ERC2: variants seen among roughly 807,000 people sequenced by gnomAD.
ERC2 encodes the protein ERC protein 2.
Under a neutral mutation model 114.8 loss-of-function variants are expected in ERC2, and 42 were observed. The observed-to-expected ratio is 0.37, with a 90% CI of 0.29 to 0.47. The LOEUF (loss-of-function observed/expected upper bound fraction) is 0.47, where lower values mean the gene tolerates loss of function less well. Ranked by LOEUF, ERC2 falls within the 20% of genes least tolerant of loss-of-function variation. The pLI is 0.99. For synonymous variants in ERC2, 454 were observed against 425.5 expected, an observed-to-expected ratio of 1.07 and a Z score of -0.82; for missense variants, 939 against 1,150.7, an observed-to-expected ratio of 0.82 and a Z score of 2.66.
chr3:56,321,963 A>G (rs755459012), intron 2 of ERC2, among the ~76,000 whole-genome samples: 1 of 152,362 alleles, frequency 6.6e-6, no homozygotes, highest in Non-Finnish European at 1.5e-5. Context: ...GTTAACAAGA[A>G]ATATACCAAA....
chr3:55,966,454 G>A (rs1311731744), intron 12 of ERC2, among the ~76,000 whole-genome samples: 1 of 152,148 alleles, frequency 6.6e-6, no homozygotes, highest in African/African-American at 2.4e-5. Flanking sequence ...AGGTGCCTAA[G>A]CATGTATGCC....
At chr3:55,550,841 C>T (rs570356216) in intron 17 of ERC2, among the ~76,000 whole-genome samples, 18 of 151,930 alleles carry the variant, frequency 1.2e-4, no homozygotes, top group Middle Eastern at 3.4e-3. Flanking sequence ...ACGGTGAAAC[C>T]CCATCTCTAC....
chr3:56,464,458 G>A (rs942290202), intron 1 of ERC2, among the ~76,000 whole-genome samples: 3 of 152,180 alleles, frequency 2.0e-5, no homozygotes, highest in Non-Finnish European at 2.9e-5. Context: ...GCCAAATCAC[G>A]GTCAACCTGA....
intron 14 of ERC2, among the ~76,000 whole-genome samples, chr3:55,810,398 G>A (rs2059668824): frequency 6.6e-6 from 1 of 151,396 alleles, no homozygotes; most frequent in Non-Finnish European, 1.5e-5. Context: ...TAAAATGAAT[G>A]CACACTCTAC....
intron 9 of ERC2, among the ~76,000 whole-genome samples, chr3:56,008,416 A>G (rs2072668032): frequency 6.6e-6 from 1 of 152,150 alleles, no homozygotes; most frequent in South Asian, 2.1e-4. Flanking sequence ...AGGCAGATAC[A>G]GGTCTCAAAC....
At chr3:56,144,839 G>A (rs1403090389) in intron 5 of ERC2, among the ~76,000 whole-genome samples, 1 of 151,972 alleles carries the variant, frequency 6.6e-6, no homozygotes, top group Non-Finnish European at 1.5e-5. Context: ...GGGGAACATA[G>A]TTACAGGGTA....
intron 13 of ERC2, among the ~76,000 whole-genome samples, chr3:55,946,307 C>G (rs990736932): frequency 6.6e-6 from 1 of 152,152 alleles, no homozygotes; most frequent in Non-Finnish European, 1.5e-5. Context: ...ATCCACCTTT[C>G]ACACACAATT....
At chr3:56,308,962 G>T (rs887960759) in intron 2 of ERC2, among the ~76,000 whole-genome samples, 4 of 152,080 alleles carry the variant, frequency 2.6e-5, no homozygotes, top group African/African-American at 9.7e-5. Flanking sequence ...TGAAGGGCAG[G>T]TTCTCTGATC....
intron 11 of ERC2, among the ~76,000 whole-genome samples, chr3:55,991,315 T>G (rs2149523870): frequency 6.6e-6 from 1 of 152,328 alleles, no homozygotes; most frequent in Non-Finnish European, 1.5e-5. Context: ...ATAAGAAATC[T>G]GCAGAGGTTA....
chr3:56,453,505 C>T (rs576070477), intron 1 of ERC2, among the ~76,000 whole-genome samples: 16 of 152,312 alleles, frequency 1.1e-4, no homozygotes, highest in Admixed American at 3.3e-4. Flanking sequence ...AAATATGTAA[C>T]ATTTAGATTA....
Position 56,436,990 on chromosome 3 carries a change from A to G in ERC2, c.-140-1843T>C, listed in dbSNP as rs145818073. On this transcript the variant is annotated intron_variant, in intron 1 of 17. Transcript: ENST00000288221. ...CCTGGCCATTTTAGTTACATATGCC[A>G]GGTGACTGATTGCATTAAAGGTCTC... is the stretch of plus-strand genomic sequence containing the variant. 3.3e-5 allele frequency among the ~76,000 whole-genome samples: 5 copies of G among 152,348 alleles called. No homozygotes were observed. In the East Asian group the frequency reaches 9.6e-4, roughly 29 times the overall value.
chr3:55,827,845 C>A (rs974449783), intron 14 of ERC2, among the ~76,000 whole-genome samples: 2 of 152,202 alleles, frequency 1.3e-5, no homozygotes, highest in Non-Finnish European at 2.9e-5. Context: ...TAGAAAAGTA[C>A]TACAACCCAT....
chr3:55,910,571 C>T (rs2064743391), intron 13 of ERC2, among the ~76,000 whole-genome samples: 1 of 152,078 alleles, frequency 6.6e-6, no homozygotes, highest in South Asian at 2.1e-4. Context: ...CATCAATACC[C>T]CAAAACTAAT....
At chr3:55,677,023 C>T (rs377107911) in intron 17 of ERC2, among the ~76,000 whole-genome samples, 1 of 152,150 alleles carries the variant, frequency 6.6e-6, no homozygotes, top group African/African-American at 2.4e-5. Flanking sequence ...TACTGCCCTC[C>T]AATCTCCTTA....
intron 14 of ERC2, among the ~76,000 whole-genome samples, chr3:55,870,169 G>A (rs1053636829): frequency 6.6e-6 from 1 of 151,990 alleles, no homozygotes; most frequent in African/African-American, 2.4e-5. Context: ...CTGCCTCCTG[G>A]GTTCAAGCAA....
intron 17 of ERC2, among the ~76,000 whole-genome samples, chr3:55,559,577 G>C (rs566669006): frequency 6.6e-6 from 1 of 152,316 alleles, no homozygotes; most frequent in Admixed American, 6.5e-5. Context: ...AGTAAGACTG[G>C]AAGTCCCCAA....
intron 14 of ERC2, among the ~76,000 whole-genome samples, chr3:55,772,407 C>T (rs944479248): frequency 1.3e-5 from 2 of 152,274 alleles, no homozygotes; most frequent in East Asian, 1.9e-4. Flanking sequence ...CTCCGCCTCC[C>T]GGGTTCATGC....
chr3:56,331,219 C>T (rs538928250), intron 2 of ERC2, among the ~76,000 whole-genome samples: 1 of 152,274 alleles, frequency 6.6e-6, no homozygotes, highest in South Asian at 2.1e-4. Context: ...ACCCTTGATA[C>T]CTGCTAAAGT....
intron 14 of ERC2, among the ~76,000 whole-genome samples, chr3:55,804,510 A>G (rs2059420335): frequency 6.6e-6 from 1 of 152,168 alleles, no homozygotes; most frequent in South Asian, 2.1e-4. Flanking sequence ...ACAACTAGGT[A>G]TCCCTGTTTT....
Sources: gnomAD v4.1 joint callset for allele counts (sites outside exome capture counted in the v4.1 genomes callset) on GRCh38, gnomAD v4.1.1 for gene constraint, MANE v1.5 for transcripts, NCBI Gene and HGNC (gene_info 2026-07-23, HGNC 2026-07-21) for gene names.